Variants in XXYLT1 observed in about 807,000 individuals in gnomAD.
XXYLT1 encodes xyloside xylosyltransferase 1.
Under a neutral mutation model 28.9 loss-of-function variants are expected in XXYLT1, and 20 were observed. That is an observed-to-expected ratio of 0.69 (90% confidence interval 0.49 to 1.00). The LOEUF (loss-of-function observed/expected upper bound fraction) is 1.00. Among genes scored for constraint, XXYLT1 ranks in the 50% least tolerant of loss-of-function variants. The pLI is 0.00. For synonymous variants in XXYLT1, 257 were observed against 253.8 expected (o/e 1.01, Z -0.12); for missense variants, 542 against 560.1 (o/e 0.97, Z 0.33).
At chr3:195,236,226 G>A (rs1263776897) in intron 1 of XXYLT1, among the ~76,000 whole-genome samples, 3 of 152,140 alleles carry the variant, frequency 2.0e-5, no homozygotes, top group Non-Finnish European at 4.4e-5. Flanking sequence ...GATGCTATCT[G>A]TGAGCCAGGG....
chr3:195,089,128 C>G (rs951923942), intron 3 of XXYLT1, among the ~76,000 whole-genome samples: 5 of 149,842 alleles, frequency 3.3e-5, no homozygotes, highest in African/African-American at 1.2e-4. Flanking sequence ...GAGAACTTCC[C>G]CAATCTAGCA....
intron 3 of XXYLT1, chr3:195,085,903 TCTGTCCTCTGTG>T (rs1480227187): frequency 6.6e-6 from 1 of 151,740 alleles, no homozygotes; most frequent in Non-Finnish European, 1.5e-5. Context: ...CCCACTCACC[TCTGTCCTCTGTG>T]CTGTCAGGCC....
intron 3 of XXYLT1, among the ~76,000 whole-genome samples, chr3:195,155,867 G>A (rs962109519): frequency 3.9e-5 from 6 of 152,214 alleles, no homozygotes; most frequent in African/African-American, 9.6e-5. Context: ...AATTTGAGTC[G>A]TTTTCAGTTT....
chr3:195,073,792 T>C (rs1244698425), intron 3 of XXYLT1, among the ~76,000 whole-genome samples: 2 of 152,168 alleles, frequency 1.3e-5, no homozygotes, highest in African/African-American at 4.8e-5. Flanking sequence ...GAATATAACT[T>C]AATAATCATA....
intron 3 of XXYLT1, among the ~76,000 whole-genome samples, chr3:195,136,541 G>A (rs187405998): frequency 2.0e-3 from 306 of 152,284 alleles, no homozygotes; most frequent in Non-Finnish European, 3.3e-3. Flanking sequence ...CCGGGTGAAC[G>A]CAACTTACCG....
chr3:195,256,598 G>A lies in XXYLT1; in HGVS notation c.504+13957C>T, dbSNP rs774393303. On this transcript the variant is annotated intron_variant, in intron 1 of 3. Transcript: ENST00000310380. This position sits in a 1 kb window ranked among gnomAD's most constrained non-coding sequence, Gnocchi z 4.2. ...ACCCGCACATTCAGGATGGGGTCTG[G>A]AAAGGGCATGAGCTCTGTAAGCCCC... 1 of 984,356 alleles carries A rather than the reference G, an allele frequency of 1.0e-6. No individual in the cohort carries two copies. Among genetic ancestry groups the A allele is most frequent in the Non-Finnish European group, 1.2e-6 (1 of 829,072 alleles). 61.0% of individuals were successfully genotyped at this position (984,356 alleles called of 1,614,324 possible). A position where few individuals can be genotyped will look rare whatever the true frequency, so the allele number is the denominator to read the frequency against.
intron 3 of XXYLT1, among the ~76,000 whole-genome samples, chr3:195,131,110 C>CG (rs1191343695): frequency 6.6e-6 from 1 of 152,166 alleles, no homozygotes; most frequent in Non-Finnish European, 1.5e-5. Context: ...TCCCTTGTGC[C>CG]GGCCTGCTCC....
At chr3:195,212,775 C>A (rs1203659047) in intron 2 of XXYLT1, among the ~76,000 whole-genome samples, 2 of 152,198 alleles carry the variant, frequency 1.3e-5, no homozygotes, top group Non-Finnish European at 2.9e-5. Context: ...AAACTGTCTT[C>A]TGTGAAACCA....
At chr3:195,144,901 C>T (rs908554882) in intron 3 of XXYLT1, among the ~76,000 whole-genome samples, 6 of 152,136 alleles carry the variant, frequency 3.9e-5, no homozygotes, top group Non-Finnish European at 5.9e-5. Context: ...AGGAAGGTAC[C>T]GGCAGAAGAA....
At chr3:195,119,656 C>T (rs1432026775) in intron 3 of XXYLT1, among the ~76,000 whole-genome samples, 2 of 110,954 alleles carry the variant, frequency 1.8e-5, no homozygotes, top group African/African-American at 6.4e-5. Context: ...GCTGGATGCC[C>T]CCAGATGAGA....
At chr3:195,208,409 G>A (rs13067615) in intron 2 of XXYLT1, among the ~76,000 whole-genome samples, 34,415 of 151,940 alleles carry the variant, frequency 0.23, 4,211 homozygotes, top group Admixed American at 0.33. Context: ...CACGCCTGCC[G>A]AAGAGGCCCA....
intron 1 of XXYLT1, among the ~76,000 whole-genome samples, chr3:195,229,443 C>G (rs1560164296): frequency 5.9e-5 from 9 of 152,290 alleles, no homozygotes; most frequent in East Asian, 1.9e-4. Flanking sequence ...CTACTTTTTA[C>G]TGTAGTCATC....
chr3:195,141,593 C>T (rs1253322969), intron 3 of XXYLT1, among the ~76,000 whole-genome samples: 1 of 152,148 alleles, frequency 6.6e-6, no homozygotes, highest in Non-Finnish European at 1.5e-5. Flanking sequence ...AAGTTTATGC[C>T]AAAATGAGGC....
intron 1 of XXYLT1, among the ~76,000 whole-genome samples, chr3:195,266,043 TG>T (rs1725839096): frequency 6.6e-6 from 1 of 152,152 alleles, no homozygotes; most frequent in African/African-American, 2.4e-5. Flanking sequence ...AGACTGCACT[TG>T]ACAGAAAGAC....
At position 195,150,145 on chromosome 3, in the gene XXYLT1, G is replaced by A. The variant is rs1720112134; in HGVS notation, c.785+6304C>T. Among the ~76,000 whole-genome samples, 1 of 150,020 alleles carries A rather than the reference G, an allele frequency of 6.7e-6. No individual in the cohort carries two copies. The highest frequency in any genetic ancestry group is 1.5e-5 in the Non-Finnish European group (1 of 67,752). ...CCAAGCTGGGACTGTGGATAACGCT[G>A]CCACCACCACCCAGGAGTGCTGCTC... On this transcript the variant is annotated intron_variant, in intron 3 of 3. Coordinates refer to ENST00000310380, the MANE Select transcript of XXYLT1 (RefSeq NM_152531.5). The surrounding 1 kb of genome is among the most constrained non-coding windows in gnomAD (Gnocchi z 4.7).
chr3:195,098,410 G>A (rs1371768259), intron 3 of XXYLT1, among the ~76,000 whole-genome samples: 14 of 152,056 alleles, frequency 9.2e-5, no homozygotes, highest in East Asian at 5.8e-4. Flanking sequence ...AAAATTAGCC[G>A]GGCGTGGTGG....
intron 3 of XXYLT1, among the ~76,000 whole-genome samples, chr3:195,114,612 G>C (rs1717947448): frequency 6.6e-6 from 1 of 152,146 alleles, no homozygotes; most frequent in Non-Finnish European, 1.5e-5. Flanking sequence ...ACAGTGCTGG[G>C]AGGACATCTC....
intron 3 of XXYLT1, among the ~76,000 whole-genome samples, chr3:195,071,084 G>A (rs1407411899): frequency 6.6e-6 from 1 of 152,216 alleles, no homozygotes; most frequent in East Asian, 1.9e-4. Context: ...TGTGCTGCAA[G>A]GGGTGTGCAG....
chr3:195,222,853 A>C (rs1185097194), intron 2 of XXYLT1, among the ~76,000 whole-genome samples: 1 of 152,156 alleles, frequency 6.6e-6, no homozygotes, highest in Non-Finnish European at 1.5e-5. Context: ...ACTCAGAATG[A>C]TTTGATATAT....
Sources: allele counts gnomAD v4.1 joint callset (sites outside exome capture counted in the v4.1 genomes callset), GRCh38; gene constraint gnomAD v4.1.1; non-coding constraint Gnocchi (gnomAD v3.1); transcripts MANE v1.5; gene names NCBI Gene and HGNC (gene_info 2026-07-23, HGNC 2026-07-21).